ALPK2: variants seen among roughly 807,000 people sequenced by gnomAD.
The protein encoded by ALPK2 is alpha-protein kinase 2.
In ALPK2, 127 loss-of-function variants were observed where a neutral mutation model predicts 163.1. The ratio of observed to expected loss-of-function variants is 0.78; its 90% CI spans 0.67 to 0.90. The LOEUF is 0.90. Ranked by LOEUF, ALPK2 falls within the 40% of genes least tolerant of loss-of-function variation. ALPK2 has a pLI of 0.00. For missense variants in ALPK2, 2,360 were observed against 2,589.6 expected (o/e 0.91, Z 1.92); for synonymous variants, 953 against 959.1 (o/e 0.99, Z 0.12).
intron 11 of ALPK2, among the ~76,000 whole-genome samples, chr18:58,502,973 G>A (rs2051440207): frequency 6.6e-6 from 1 of 152,112 alleles, no homozygotes; most frequent in Non-Finnish European, 1.5e-5. Flanking sequence ...CAGCGCCCAC[G>A]GCAGTCACTG....
chr18:58,504,217 A>C, intron 10 of ALPK2, 69 bp from the exon 11 acceptor site: 1 of 1,334,030 alleles, frequency 7.5e-7, no homozygotes, highest in East Asian at 2.3e-5. Flanking sequence ...GCGGCATTCT[A>C]CTCTCTCCTG....
chr18:58,504,300 A>G, intron 10 of ALPK2, 152 bp from the exon 11 acceptor site: 1 of 641,398 alleles, frequency 1.6e-6, no homozygotes, highest in Non-Finnish European at 2.7e-6. Flanking sequence ...ATGACTTTTT[A>G]GTGGGTAAGA....
intron 3 of ALPK2, among the ~76,000 whole-genome samples, chr18:58,602,633 C>T (rs924602950): frequency 6.6e-5 from 10 of 152,130 alleles, no homozygotes; most frequent in Admixed American, 2.6e-4. Flanking sequence ...AATTAGGACC[C>T]ACCCTGTCAG....
At chr18:58,599,427 A>G (rs1391578748) in intron 3 of ALPK2, among the ~76,000 whole-genome samples, 1 of 152,214 alleles carries the variant, frequency 6.6e-6, no homozygotes, top group African/African-American at 2.4e-5. Context: ...GGAAAGTTCT[A>G]CCAGTCATCC....
intron 4 of ALPK2, among the ~76,000 whole-genome samples, chr18:58,543,870 C>T (rs2051704086): frequency 4.6e-5 from 7 of 152,284 alleles, no homozygotes; most frequent in Admixed American, 3.9e-4. Context: ...CTTTCCAACC[C>T]AGCATTTCTA....
chr18:58,565,206 CA>C (rs768584947), intron 4 of ALPK2, among the ~76,000 whole-genome samples: 46 of 152,206 alleles, frequency 3.0e-4, no homozygotes, highest in Non-Finnish European at 5.6e-4. Flanking sequence ...AATAATTCTA[CA>C]ACACACATGA....
intron 10 of ALPK2, among the ~76,000 whole-genome samples, chr18:58,505,742 A>G (rs1568068898): frequency 6.6e-6 from 1 of 152,096 alleles, no homozygotes; most frequent in Non-Finnish European, 1.5e-5. Context: ...TCTCTTAAGC[A>G]TCTGAAAGAG....
chr18:58,609,809 G>A (rs1348004736), intron 2 of ALPK2, among the ~76,000 whole-genome samples: 3 of 152,154 alleles, frequency 2.0e-5, no homozygotes, highest in Admixed American at 6.5e-5. Context: ...GTATCTGGGC[G>A]AGGGGACCAC....
chr18:58,610,275 CAAAAAA>C (rs74183283), intron 2 of ALPK2, among the ~76,000 whole-genome samples: 2 of 61,900 alleles, frequency 3.2e-5, no homozygotes, highest in African/African-American at 6.5e-5. Flanking sequence ...GACCCTGTCT[CAAAAAA>C]AAAAAAAAAA....
intron 2 of ALPK2, 85 bp downstream of exon 2, chr18:58,611,604 A>G (rs2052131735): frequency 1.7e-6 from 2 of 1,176,478 alleles, no homozygotes; most frequent in South Asian, 1.4e-5. Context: ...TTCCCAAATG[A>G]TGTTTTAGTA....
At chr18:58,551,669 G>T (rs1243245621) in intron 4 of ALPK2, among the ~76,000 whole-genome samples, 5 of 152,328 alleles carry the variant, frequency 3.3e-5, no homozygotes, top group African/African-American at 9.6e-5. Flanking sequence ...TGGGTGGGTG[G>T]TGTACACTTG....
Position 58,621,022 on chromosome 18 carries a change from G to A in ALPK2, c.-21+7742C>T, listed in dbSNP as rs186235485. Among the ~76,000 whole-genome samples the A allele has an allele frequency of 2.8e-4, 43 of 151,898 alleles. 1 individual carries two copies. The East Asian group carries it at 4.1e-3, about 14-fold the overall frequency. ...AATACAAAAATTAGCCGGGTGTGTC[G>A]CATGCCTGTAGTCCCAGTTACTCAG... On this transcript the variant is annotated intron_variant, in intron 1 of 12. Coordinates refer to ENST00000361673, the MANE Select transcript of ALPK2 (RefSeq NM_052947.4).
intron 12 of ALPK2, among the ~76,000 whole-genome samples, chr18:58,491,703 T>C (rs2051375706): frequency 6.6e-6 from 1 of 152,188 alleles, no homozygotes; most frequent in South Asian, 2.1e-4. Context: ...ACTTCAGTCT[T>C]CCATACAGCT....
At chr18:58,542,581 G>A (rs569563714) in intron 4 of ALPK2, among the ~76,000 whole-genome samples, 12 of 152,336 alleles carry the variant, frequency 7.9e-5, no homozygotes, top group African/African-American at 2.6e-4. Context: ...ATAGAAGAGT[G>A]CTATAAGGTA....
intron 4 of ALPK2, among the ~76,000 whole-genome samples, chr18:58,570,748 A>G (rs986835445): frequency 1.3e-5 from 2 of 152,228 alleles, no homozygotes; most frequent in African/African-American, 2.4e-5. Flanking sequence ...CGGCACATCT[A>G]GACTTGCTCA....
intron 8 of ALPK2, among the ~76,000 whole-genome samples, chr18:58,518,314 G>A (rs972099332): frequency 2.0e-5 from 3 of 152,190 alleles, no homozygotes; most frequent in African/African-American, 4.8e-5. Context: ...TTCTGATCGG[G>A]TATTGATTAA....
At chr18:58,568,835 A>T (rs2051870437) in intron 4 of ALPK2, among the ~76,000 whole-genome samples, 1 of 152,200 alleles carries the variant, frequency 6.6e-6, no homozygotes, top group Non-Finnish European at 1.5e-5. Flanking sequence ...GCCATTTTAT[A>T]TCAGAGACAT....
chr18:58,507,808 T>G (rs2144116772), intron 10 of ALPK2, among the ~76,000 whole-genome samples: 2 of 152,306 alleles, frequency 1.3e-5, no homozygotes, highest in Middle Eastern at 3.4e-3. Flanking sequence ...GGAATTTAGT[T>G]TATACTTTAA....
chr18:58,578,671 T>C (rs1211395223), intron 4 of ALPK2, 143 bp downstream of exon 4: 20 of 788,228 alleles, frequency 2.5e-5, no homozygotes, highest in African/African-American at 3.5e-5. Flanking sequence ...CCTGATGGTG[T>C]TGGGAAACTT....
Sources: allele counts gnomAD v4.1 joint callset (sites outside exome capture counted in the v4.1 genomes callset), GRCh38; gene constraint gnomAD v4.1.1; transcripts MANE v1.5; gene names NCBI Gene and HGNC (gene_info 2026-07-23, HGNC 2026-07-21).